ELMO1: variants seen among roughly 807,000 people sequenced by gnomAD.
ELMO1 encodes the protein engulfment and cell motility protein 1.
Under a neutral mutation model 98.9 loss-of-function variants are expected in ELMO1, and 26 were observed. The ratio of observed to expected loss-of-function variants is 0.26; its 90% CI spans 0.19 to 0.36. The LOEUF is 0.36. ELMO1 is among the 10% of genes least tolerant of loss of function. The pLI, the probability that ELMO1 is intolerant of heterozygous loss-of-function variation, is 1.00. For synonymous variants in ELMO1, 346 were observed against 346.0 expected (o/e 1.00, Z 0.00); for missense variants, 627 against 935.2 (o/e 0.67, Z 4.30).
At chr7:37,363,332 G>C (rs537859502) in intron 1 of ELMO1, among the ~76,000 whole-genome samples, 1 of 152,070 alleles carries the variant, frequency 6.6e-6, no homozygotes, top group Non-Finnish European at 1.5e-5. Flanking sequence ...AGCCACCAAA[G>C]TCGAAACCAC....
intron 17 of ELMO1, among the ~76,000 whole-genome samples, chr7:36,894,623 G>A (rs1805838262): frequency 6.6e-6 from 1 of 152,098 alleles, no homozygotes; most frequent in Non-Finnish European, 1.5e-5. Flanking sequence ...CACTAACAGG[G>A]CCAGCTCCTG....
chr7:37,155,388 C>T (rs564418877), intron 13 of ELMO1, among the ~76,000 whole-genome samples: 40 of 150,358 alleles, frequency 2.7e-4, no homozygotes, highest in African/African-American at 9.8e-4. Flanking sequence ...AGAGTCAAGA[C>T]CTATTGGTAT....
intron 15 of ELMO1, among the ~76,000 whole-genome samples, chr7:37,014,664 C>T (rs763982230): frequency 4.6e-5 from 7 of 151,926 alleles, no homozygotes; most frequent in Non-Finnish European, 7.4e-5. Flanking sequence ...TGTGTTGTTC[C>T]CCTCCCTGTG....
At position 36,870,350 on chromosome 7, in the gene ELMO1, C is replaced by T. The variant is rs1191222527; in HGVS notation, c.1905+43G>A. ...CTAGGCTGGCTGCAGTTGCCGACCG[C>T]ACTGGGCAAATAGAGCTATTTGCAA... On this transcript the variant is annotated intron_variant, in intron 20 of 21. Transcript: ENST00000310758. The surrounding 1 kb of genome is among the most constrained non-coding windows in gnomAD (Gnocchi z 4.4). The T allele has an allele frequency of 6.3e-7, 1 of 1,596,870 alleles. No homozygotes were observed. The highest frequency in any genetic ancestry group is 1.3e-5 in the African/African-American group (1 of 74,514).
At chr7:37,392,614 G>A (rs781520203) in intron 1 of ELMO1, among the ~76,000 whole-genome samples, 15 of 152,308 alleles carry the variant, frequency 9.8e-5, no homozygotes, top group Middle Eastern at 6.8e-3. Flanking sequence ...CCAGGTGTGA[G>A]GCCTCCCTAT....
chr7:37,110,593 A>G (rs1352124684), intron 14 of ELMO1, among the ~76,000 whole-genome samples: 3 of 152,166 alleles, frequency 2.0e-5, no homozygotes, highest in Non-Finnish European at 2.9e-5. Context: ...ATATATATAT[A>G]TAAGTATTGA....
intron 15 of ELMO1, among the ~76,000 whole-genome samples, chr7:37,060,815 T>C (rs1362018646): frequency 6.6e-6 from 1 of 152,068 alleles, no homozygotes; most frequent in Non-Finnish European, 1.5e-5. Context: ...GTCAAAAATT[T>C]GGGGTAATGT....
In ELMO1 at chr7:37,292,517, G is replaced by C. The variant is rs1337364622; in HGVS notation, c.193-20635C>G. On this transcript the variant is annotated intron_variant, in intron 4 of 21. Transcript: ENST00000310758. ...TAGGAAGTGAGGAGCGCCTCTTCCC[G>C]GCCGCCATCACATCTGGGAAGTGAG... Among the ~76,000 whole-genome samples the C allele has an allele frequency of 1.3e-4, 10 of 76,572 alleles. No individual in the cohort carries two copies. In the South Asian group the frequency reaches 1.9e-3, roughly 15 times the overall value. The allele number at this position is 76,572 out of a possible 152,430, so 50.2% of individuals were successfully genotyped here.
intron 1 of ELMO1, among the ~76,000 whole-genome samples, chr7:37,398,661 C>T (rs892667547): frequency 1.5e-5 from 2 of 137,276 alleles, no homozygotes; most frequent in Non-Finnish European, 1.6e-5. Context: ...CCCCTGCTCA[C>T]GTGTACTGCT....
chr7:37,334,610 T>C (rs1800300709), intron 2 of ELMO1, among the ~76,000 whole-genome samples: 1 of 152,190 alleles, frequency 6.6e-6, no homozygotes, highest in Non-Finnish European at 1.5e-5. Context: ...AGTAAGGTGA[T>C]GAAATCCCAC....
In ELMO1 at chr7:37,084,551, A is replaced by C. The variant is rs189486582; in HGVS notation, c.1300+12068T>G. On this transcript the variant is annotated intron_variant, in intron 15 of 21. Coordinates refer to ENST00000310758, the MANE Select transcript of ELMO1 (RefSeq NM_014800.11). Reference sequence around the variant, plus strand: ...AGTTAAGGGCAAACAGCACAGGAGAATCTCACAATAATTCACTCCATCTAA... The same window carrying C: ...AGTTAAGGGCAAACAGCACAGGAGACTCTCACAATAATTCACTCCATCTAA... 9.8e-5 allele frequency among the ~76,000 whole-genome samples: 15 copies of C among 152,306 alleles called. No individual in the cohort carries two copies. The East Asian group carries it at 2.7e-3, about 27-fold the overall frequency.
chr7:37,036,634 T>C (rs1385484736), intron 15 of ELMO1, among the ~76,000 whole-genome samples: 1 of 152,128 alleles, frequency 6.6e-6, no homozygotes, highest in Non-Finnish European at 1.5e-5. Context: ...CCAACTCAGA[T>C]TCCCAAAGTG....
chr7:37,371,466 C>G (rs914223253), intron 1 of ELMO1, among the ~76,000 whole-genome samples: 5 of 152,144 alleles, frequency 3.3e-5, no homozygotes, highest in African/African-American at 1.2e-4. Flanking sequence ...CTATTTTGAA[C>G]TATTTAGTTT....
intron 15 of ELMO1, among the ~76,000 whole-genome samples, chr7:37,020,907 T>C (rs1040962299): frequency 1.3e-5 from 2 of 152,226 alleles, no homozygotes; most frequent in Non-Finnish European, 2.9e-5. Flanking sequence ...AGAGCAGTCA[T>C]TAAAATCTGC....
At chr7:37,189,604 C>T (rs1280239706) in intron 13 of ELMO1, among the ~76,000 whole-genome samples, 3 of 152,174 alleles carry the variant, frequency 2.0e-5, no homozygotes, top group Non-Finnish European at 4.4e-5. Flanking sequence ...TATTCAAAGA[C>T]ATGAGTTCTA....
chr7:37,023,085 A>AAGAGAACAGGG (rs1489276043), intron 15 of ELMO1, among the ~76,000 whole-genome samples: 4 of 152,188 alleles, frequency 2.6e-5, no homozygotes, highest in African/African-American at 9.7e-5. Context: ...CAAACAGGGT[A>AAGAGAACAGGG]TTGGTTCTTT....
intron 20 of ELMO1, among the ~76,000 whole-genome samples, chr7:36,863,059 T>G (rs1051703319): frequency 3.4e-4 from 52 of 152,304 alleles, no homozygotes; most frequent in African/African-American, 9.9e-4. Context: ...GAGTTCTCAG[T>G]GTCTGGTTCA....
At chr7:37,027,119 G>A (rs1229600143) in intron 15 of ELMO1, among the ~76,000 whole-genome samples, 2 of 152,048 alleles carry the variant, frequency 1.3e-5, no homozygotes, top group Non-Finnish European at 2.9e-5. Context: ...CCTTAAAATA[G>A]TTCATCCTTC....
chr7:37,393,447 A>G (rs2131428564), intron 1 of ELMO1, among the ~76,000 whole-genome samples: 1 of 152,324 alleles, frequency 6.6e-6, no homozygotes, highest in East Asian at 1.9e-4. Context: ...TGTCCCAATA[A>G]TAGTACTTTA....
Sources: gnomAD v4.1 joint callset for allele counts (sites outside exome capture counted in the v4.1 genomes callset) on GRCh38, gnomAD v4.1.1 for gene constraint, Gnocchi (gnomAD v3.1) non-coding constraint, MANE v1.5 for transcripts, NCBI Gene and HGNC (gene_info 2026-07-23, HGNC 2026-07-21) for gene names.